The following PLEKHG1 variants were observed in gnomAD, a reference collection of about 807,000 sequenced individuals.
PLEKHG1 encodes pleckstrin homology domain-containing family G member 1.
In PLEKHG1, 44 loss-of-function variants were observed where a neutral mutation model predicts 100.8. The observed-to-expected ratio is 0.44, with a 90% CI of 0.34 to 0.56. The LOEUF (loss-of-function observed/expected upper bound fraction) is 0.56. Among genes scored for constraint, PLEKHG1 ranks in the 20% least tolerant of loss-of-function variants. The pLI, the probability that PLEKHG1 is intolerant of heterozygous loss-of-function variation, is 0.01. For missense variants in PLEKHG1, 1,545 were observed against 1,720.9 expected, an observed-to-expected ratio of 0.90 and a Z score of 1.81; for synonymous variants, 640 against 662.5, an observed-to-expected ratio of 0.97 and a Z score of 0.52.
intron 14 of PLEKHG1, chr6:150,828,528 T>C: frequency 1.5e-6 from 1 of 681,840 alleles, no homozygotes; most frequent in Non-Finnish European, 2.2e-6. Flanking sequence ...AAATAATCAT[T>C]GCTGGAGATT....
At chr6:150,764,464 G>A (rs982769165) in intron 2 of PLEKHG1, among the ~76,000 whole-genome samples, 1 of 151,996 alleles carries the variant, frequency 6.6e-6, no homozygotes, top group East Asian at 1.9e-4. Context: ...CTCACCACAC[G>A]CTTCAGTGGT....
chr6:150,716,289 A>G (rs1042909181), upstream of PLEKHG1, among the ~76,000 whole-genome samples: 1 of 152,192 alleles, frequency 6.6e-6, no homozygotes, highest in Non-Finnish European at 1.5e-5. Context: ...ATTACAAGAT[A>G]AGTAGGCCAC....
chr6:150,721,919 T>A (rs1265275861), intron 1 of PLEKHG1, among the ~76,000 whole-genome samples: 1 of 152,190 alleles, frequency 6.6e-6, no homozygotes, highest in African/African-American at 2.4e-5. Flanking sequence ...TATTTTAATT[T>A]AAAATATTTA....
chr6:150,702,574 G>GTGTA (rs1562447493), intron 3 of PLEKHG1, among the ~76,000 whole-genome samples: 4 of 151,672 alleles, frequency 2.6e-5, no homozygotes, highest in African/African-American at 9.7e-5. Context: ...GTGTGTGTGT[G>GTGTA]TGTGTGTGTG....
At chr6:150,832,681 C>T (rs1433000742) in intron 15 of PLEKHG1, among the ~76,000 whole-genome samples, 1 of 125,462 alleles carries the variant, frequency 8.0e-6, no homozygotes, top group Non-Finnish European at 1.6e-5. Context: ...TTTTTGCATA[C>T]TTTTTTTTTT....
At chr6:150,756,041 T>C (rs1783823765) in intron 2 of PLEKHG1, among the ~76,000 whole-genome samples, 1 of 152,188 alleles carries the variant, frequency 6.6e-6, no homozygotes, top group African/African-American at 2.4e-5. Flanking sequence ...GGAAACCTCG[T>C]CCGTAAGAGT....
exon 7 of PLEKHG1, chr6:150,804,695 A>G (rs996854955): frequency 5.0e-6 from 8 of 1,613,846 alleles, no homozygotes; most frequent in Admixed American, 1.7e-5. Context: ...GTCGCCTGGC[A>G]TATCAATGAC....
At chr6:150,825,746 T>C (rs1468850643) in intron 14 of PLEKHG1, among the ~76,000 whole-genome samples, 2 of 152,218 alleles carry the variant, frequency 1.3e-5, no homozygotes, top group Non-Finnish European at 2.9e-5. Flanking sequence ...TTATAAACTG[T>C]GTGACTACAG....
chr6:150,754,071 A>G (rs904803517), intron 2 of PLEKHG1, among the ~76,000 whole-genome samples: 4 of 152,218 alleles, frequency 2.6e-5, no homozygotes, highest in Non-Finnish European at 5.9e-5. Flanking sequence ...ATAGCACTAC[A>G]TGATGATGAC....
At chr6:150,725,319 G>A (rs1205856086) in intron 1 of PLEKHG1, among the ~76,000 whole-genome samples, 1 of 152,126 alleles carries the variant, frequency 6.6e-6, no homozygotes, top group Non-Finnish European at 1.5e-5. Flanking sequence ...ACCTTGGTGA[G>A]TAAGTTTCAA....
chr6:150,818,285 T>C (rs1776102516), intron 11 of PLEKHG1, 69 bp downstream of exon 12: 1 of 1,136,752 alleles, frequency 8.8e-7, no homozygotes, highest in Non-Finnish European at 1.3e-6. Flanking sequence ...TTTTCTATCT[T>C]AAAGTTCATG....
intron 3 of PLEKHG1, among the ~76,000 whole-genome samples, chr6:150,695,999 T>C (rs1582956671): frequency 6.6e-6 from 1 of 152,324 alleles, no homozygotes; most frequent in East Asian, 1.9e-4. Flanking sequence ...TTTTTTACTT[T>C]CTTGGCCACT....
chr6:150,764,330 G>A (rs1040998865), intron 2 of PLEKHG1, among the ~76,000 whole-genome samples: 1 of 152,186 alleles, frequency 6.6e-6, no homozygotes, highest in East Asian at 1.9e-4. Flanking sequence ...CGTTGCCCAG[G>A]CTGGTCTTGA....
chr6:150,604,258 T>A (rs1197898137), intron 1 of PLEKHG1, among the ~76,000 whole-genome samples: 2 of 152,184 alleles, frequency 1.3e-5, no homozygotes, highest in African/African-American at 4.8e-5. Context: ...GGTGAATAGA[T>A]CTAGTTCTCT....
chr6:150,811,202 A>T (rs115322469), intron 10 of PLEKHG1, among the ~76,000 whole-genome samples: 1,858 of 152,244 alleles, frequency 0.012, 33 homozygotes, highest in African/African-American at 0.042. Context: ...TGGAAGAATA[A>T]AGTGTTCAAT....
At chr6:150,824,766 G>A (rs1776497413) in intron 14 of PLEKHG1, among the ~76,000 whole-genome samples, 2 of 152,258 alleles carry the variant, frequency 1.3e-5, no homozygotes, top group African/African-American at 4.8e-5. Context: ...CAGACCACAG[G>A]TGACCCACCC....
chr6:150,639,329 A>T (rs1778150702), intron 2 of PLEKHG1, among the ~76,000 whole-genome samples: 1 of 152,204 alleles, frequency 6.6e-6, no homozygotes, highest in Admixed American at 6.5e-5. Flanking sequence ...TTAATTTTTA[A>T]GAAATTGACA....
chr6:150,677,095 C>T (rs1779781214), intron 3 of PLEKHG1, among the ~76,000 whole-genome samples: 1 of 152,204 alleles, frequency 6.6e-6, no homozygotes, highest in Non-Finnish European at 1.5e-5. Flanking sequence ...TATCTCCATA[C>T]TTGCATTGTT....
intron 1 of PLEKHG1, among the ~76,000 whole-genome samples, chr6:150,729,524 C>G (rs111723070): frequency 2.0e-5 from 3 of 152,290 alleles, no homozygotes; most frequent in African/African-American, 7.2e-5. Context: ...CAAGACTAGA[C>G]AGTTTTTATG....
Sources: gnomAD v4.1 joint callset for allele counts (sites outside exome capture counted in the v4.1 genomes callset) on GRCh38, gnomAD v4.1.1 for gene constraint, MANE v1.5 for transcripts, NCBI Gene and HGNC (gene_info 2026-07-23, HGNC 2026-07-21) for gene names.